The following RSKR variants were observed in gnomAD, a reference collection of about 807,000 sequenced individuals.
RSKR encodes ribosomal protein S6 kinase-related protein.
A neutral mutation model predicts 56.8 loss-of-function variants in RSKR; 44 were observed. The observed-to-expected ratio is 0.77, with a 90% CI of 0.61 to 1.00. The LOEUF is 1.00. Among genes scored for constraint, RSKR ranks in the 50% least tolerant of loss-of-function variants. RSKR has a pLI of 0.00. For missense variants in RSKR, 510 were observed against 506.9 expected (o/e 1.01, Z -0.06); for synonymous variants, 181 against 188.0 (o/e 0.96, Z 0.30).
In RSKR at chr17:28,613,588, C is replaced by T. The variant is rs776608556; in HGVS notation, c.176G>A (p.Arg59Gln). The change falls in exon 2 of 12, where the codon CGG (arginine) becomes CAG (glutamine). Residue 59 changes from arginine (R) to glutamine (Q), a missense_variant. Physicochemically the swap from Arg to Gln is conservative, Grantham distance 43. Transcript: ENST00000301037. The part of the protein sequence containing the change: ...RSDLEELWEL[R>Q]GHHYLHQESL... ...TTCCTGGTGCAGATAGTGGTGCCCC[C>T]GTAGTTCCCAGAGTTCTTCCAGATC... 6 of 1,614,156 alleles carry T rather than the reference C, an allele frequency of 3.7e-6. No individual in the cohort carries two copies. Among genetic ancestry groups the T allele is most frequent in the Non-Finnish European group, 4.2e-6 (5 of 1,180,044 alleles).
chr17:28,611,498 T>C lies in RSKR; in HGVS notation c.812-17A>G, dbSNP rs78362625. Reference sequence around the variant, plus strand: ...CCTCTGGGGCTACAGATTTCAAAGATACTCATCACAGACATCCTTTAGCTA... The same window carrying C: ...CCTCTGGGGCTACAGATTTCAAAGACACTCATCACAGACATCCTTTAGCTA... On this transcript the variant is annotated splice_polypyrimidine_tract_variant and intron_variant, in intron 9 of 11. Coordinates refer to ENST00000301037, the MANE Select transcript of RSKR (RefSeq NM_001174103.2). 4.4e-4 allele frequency: 699 copies of C among 1,586,500 alleles called. 7 individuals are homozygous for C. In the East Asian group the frequency reaches 0.014, roughly 31 times the overall value.
chr17:28,610,317 G>T lies in RSKR; in HGVS notation c.*161C>A. Reference sequence around the variant, plus strand: ...ATAGGGCCAGCTGTGGCTGCCAGTAGCAGAATGTCCAGGTTGGAACTCTGG... The same window carrying T: ...ATAGGGCCAGCTGTGGCTGCCAGTATCAGAATGTCCAGGTTGGAACTCTGG... On this transcript the variant is annotated 3_prime_UTR_variant, in exon 12 of 12. Coordinates refer to ENST00000301037, the MANE Select transcript of RSKR (RefSeq NM_001174103.2). 1 of 646,982 alleles carries T rather than the reference G, an allele frequency of 1.5e-6. No homozygotes were observed. Among genetic ancestry groups the T allele is most frequent in the Non-Finnish European group, 2.6e-6 (1 of 379,970 alleles). The allele number at this position is 646,982 out of a possible 1,614,324, so 40.1% of individuals were successfully genotyped here. A position where few individuals can be genotyped will look rare whatever the true frequency, so the allele number is the denominator to read the frequency against.
intron 11 of RSKR, 42 bp from the exon 12 acceptor site, chr17:28,610,741 G>A (rs1031076538): frequency 6.6e-7 from 1 of 1,510,634 alleles, no homozygotes; most frequent in South Asian, 1.2e-5. Flanking sequence ...ACTAGGACAG[G>A]ACAGGCCTGA....
chr17:28,611,481 G>C lies in RSKR; in HGVS notation c.812C>G (p.Ala271Gly). ...AGGTCCTCCACTTAGGACCTCTGGG[G>C]CTACAGATTTCAAAGATACTCATCA... ...YTICGTLQYM[A>G]PEVLSGGPYN... Residue 271 changes from alanine (A) to glycine (G), a missense_variant and splice_region_variant, in exon 10 of 12, where the codon GCC (alanine) becomes GGC (glycine). Physicochemically the swap from Ala to Gly is moderately conservative, Grantham distance 60. Transcript: ENST00000301037. 1 of 1,595,114 alleles carries C rather than the reference G, an allele frequency of 6.3e-7. No individual in the cohort carries two copies. Among genetic ancestry groups the C allele is most frequent in the Non-Finnish European group, 8.5e-7 (1 of 1,173,722 alleles).
At position 28,611,754 on chromosome 17, in the gene RSKR, G is replaced by A; in HGVS notation, c.721+14C>T. On this transcript the variant is annotated intron_variant, in intron 8 of 11. Coordinates refer to ENST00000301037, the MANE Select transcript of RSKR (RefSeq NM_001174103.2). The stretch of plus-strand genomic sequence containing the variant: ...TACCTCTCATCCTGGGGCTAAGGAA[G>A]GAAAAAGACTTACCTCGTTCATCTA... The A allele has an allele frequency of 3.9e-5, 63 of 1,614,100 alleles. No individual in the cohort carries two copies. The highest frequency in any genetic ancestry group is 5.3e-5 in the Non-Finnish European group (62 of 1,179,990).
At chr17:28,613,857 G>A (rs2070865533) in intron 1 of RSKR, 169 bp from the exon 2 acceptor site, 1 of 1,108,192 alleles carries the variant, frequency 9.0e-7, no homozygotes. Context: ...AGATTTCCTG[G>A]GCACAATTCA....
At chr17:28,612,810 G>C (rs1254815363) in intron 4 of RSKR, 123 bp from the exon 5 acceptor site, 8 of 922,584 alleles carry the variant, frequency 8.7e-6, no homozygotes, top group African/African-American at 1.7e-5. Context: ...TCAGTTCAGA[G>C]GAACTCAATA....
At chr17:28,611,278 G>A (rs2070809246) in intron 10 of RSKR, 25 bp from the exon 11 acceptor site, 1 of 1,532,520 alleles carries the variant, frequency 6.5e-7, no homozygotes, top group Non-Finnish European at 8.7e-7. Context: ...AGGGAGTGGA[G>A]GTAGGGGTAG....
chr17:28,612,541 C>T (rs2070832275), intron 5 of RSKR, 77 bp downstream of exon 5: 1 of 1,523,156 alleles, frequency 6.6e-7, no homozygotes, highest in African/African-American at 1.4e-5. Flanking sequence ...AAAGGCAGAA[C>T]AAGCCAAAGA....
At chr17:28,611,917 C>T in intron 7 of RSKR, 122 bp from the exon 8 acceptor site, 1 of 1,611,330 alleles carries the variant, frequency 6.2e-7, no homozygotes, top group Non-Finnish European at 8.5e-7. Context: ...GAGAGCCCTT[C>T]CCCAAATCCT....
At chr17:28,612,208 T>G in intron 6 of RSKR, 54 bp downstream of exon 6, 1 of 1,597,766 alleles carries the variant, frequency 6.3e-7, no homozygotes, top group Non-Finnish European at 8.6e-7. Context: ...TTTACTCTCC[T>G]TCTTCCGAAC....
Position 28,614,122 on chromosome 17 carries a change from G to A in RSKR, c.40C>T (p.Gln14Ter). The A allele has an allele frequency of 6.2e-7, 1 of 1,613,552 alleles. No homozygotes were observed. The highest frequency in any genetic ancestry group is 8.5e-7 in the Non-Finnish European group (1 of 1,179,928). ...ACAGCCACCCGGGTGTGTTCCCCCT[G>A]CTGGGTGTGCTGCCCCTGCCGACAG... ...VSCRQGQHTQ[Q>*]GEHTRVAVPH... Residue 14 changes from glutamine to a stop codon, truncating the protein, a stop_gained, in exon 1 of 12, where the codon CAG becomes TAG. Coordinates refer to ENST00000301037, the MANE Select transcript of RSKR (RefSeq NM_001174103.2). LOFTEE classifies it high-confidence loss of function.
chr17:28,609,933 A>T lies in RSKR; in HGVS notation c.*545T>A, dbSNP rs2070789097. 1 of 152,380 alleles carries T rather than the reference A, an allele frequency of 6.6e-6. No individual in the cohort carries two copies. The highest frequency in any genetic ancestry group is 1.5e-5 in the Non-Finnish European group (1 of 68,852). 9.4% of individuals were successfully genotyped at this position (152,380 alleles called of 1,614,324 possible). On this transcript the variant is annotated 3_prime_UTR_variant, in exon 12 of 12. Transcript: ENST00000301037. ...CTGGGCATAATGGTGTGCATTTGTAATCCCAGCTACTCGGGAGGCTGAGGC... is the reference window on the plus strand; with the variant it reads ...CTGGGCATAATGGTGTGCATTTGTATTCCCAGCTACTCGGGAGGCTGAGGC...
chr17:28,612,587 TG>T, intron 5 of RSKR, 30 bp downstream of exon 5: 1 of 1,610,014 alleles, frequency 6.2e-7, no homozygotes, highest in Non-Finnish European at 8.5e-7. Flanking sequence ...ACAAAGACCC[TG>T]GGGGATGAGG....
chr17:28,612,974 C>T (rs984213163), intron 4 of RSKR, 104 bp downstream of exon 4: 21 of 1,227,438 alleles, frequency 1.7e-5, no homozygotes, highest in Non-Finnish European at 2.3e-5. Flanking sequence ...TAGGCTGAAG[C>T]AGATGGATGA....
chr17:28,608,397 T>TC lies in RSKR; in HGVS notation c.*2080dup, dbSNP rs1480806129. 3 of 152,196 alleles carry TC rather than the reference T, an allele frequency of 2.0e-5. No homozygotes were observed. The highest frequency in any genetic ancestry group is 6.6e-5 in the Admixed American group (1 of 15,266). The allele number at this position is 152,196 out of a possible 1,614,324, so 9.4% of individuals were successfully genotyped here. ...CTGAGACAAGATCTCACTCTGTTGC[T>TC]CAGGCTGGATGCAGTGGCACGATCT... On this transcript the variant is annotated 3_prime_UTR_variant, in exon 12 of 12. Coordinates refer to ENST00000301037, the MANE Select transcript of RSKR (RefSeq NM_001174103.2).
intron 9 of RSKR, 32 bp downstream of exon 9, chr17:28,611,535 A>G (rs574343751): frequency 2.2e-5 from 34 of 1,563,944 alleles, no homozygotes; most frequent in Admixed American, 1.6e-4. Context: ...CCTCCTGCCC[A>G]ATGCTTACCC....
At chr17:28,611,987 T>C (rs1255351913) in intron 7 of RSKR, 57 bp downstream of exon 7, 1 of 1,614,062 alleles carries the variant, frequency 6.2e-7, no homozygotes, top group African/African-American at 1.3e-5. Context: ...TTGGACTTGT[T>C]GGCACTTCTT....
In RSKR at chr17:28,613,010, C is replaced by T. The variant is rs775747056; in HGVS notation, c.477+68G>A. 12 of 1,531,096 alleles carry T rather than the reference C, an allele frequency of 7.8e-6. No homozygotes were observed. The Admixed American group carries it at 1.8e-4, about 23-fold the overall frequency. The allele number at this position is 1,531,096 out of a possible 1,614,324, so 94.8% of individuals were successfully genotyped here. On this transcript the variant is annotated intron_variant, in intron 4 of 11. Transcript: ENST00000301037. The stretch of plus-strand genomic sequence containing the variant: ...GGCAGAACCAGGAAAAGAAGGTGGG[C>T]AAGAAAGGTACTTTCCCTACCTGTG...
Sources: allele counts gnomAD v4.1 joint callset, GRCh38; gene constraint gnomAD v4.1.1; transcripts MANE v1.5; gene names NCBI Gene and HGNC (gene_info 2026-07-23, HGNC 2026-07-21).